Variants in DYNC2LI1 observed in about 807,000 individuals in gnomAD.
DYNC2LI1 encodes the protein dynein cytoplasmic 2 light intermediate chain 1.
In DYNC2LI1, 45 loss-of-function variants were observed where a neutral mutation model predicts 51.9. The observed-to-expected ratio is 0.87, with a 90% CI of 0.68 to 1.11. DYNC2LI1 has a LOEUF of 1.11. DYNC2LI1 is among the 50% of genes most tolerant of loss of function. DYNC2LI1 has a pLI of 0.00. For synonymous variants in DYNC2LI1, 130 were observed against 137.8 expected (o/e 0.94, Z 0.40); for missense variants, 490 against 417.4 (o/e 1.17, Z -1.51).
chr2:43,777,872 G>A (rs1396814281), intron 2 of DYNC2LI1, among the ~76,000 whole-genome samples: 1 of 152,156 alleles, frequency 6.6e-6, no homozygotes, highest in African/African-American at 2.4e-5. Flanking sequence ...AAAGGTTTTA[G>A]TGATGTAAGA....
chr2:43,823,484 C>G, the DYNC2LI1 span, among the ~76,000 whole-genome samples: 1 of 152,102 alleles, frequency 6.6e-6, no homozygotes, highest in Non-Finnish European at 1.5e-5. Context: ...GTTAGGCAAC[C>G]AGGTTTTGTC....
At position 43,791,709 on chromosome 2, in the gene DYNC2LI1, C is replaced by T. The variant is rs80318289; in HGVS notation, c.320+1988C>T. On this transcript the variant is annotated intron_variant, in intron 5 of 12. Transcript: ENST00000260605. ...AATTTCCTTGTGTTGGATGAAGTCT[C>T]ACAACTTGAGAAAACAATATTGCCA... 4.3e-4 allele frequency among the ~76,000 whole-genome samples: 65 copies of T among 152,300 alleles called. 1 individual carries two copies. The East Asian group carries it at 0.011, about 27-fold the overall frequency.
At chr2:43,813,403 G>T, downstream of DYNC2LI1, 2 of 859,338 alleles carry the variant, frequency 2.3e-6, no homozygotes, top group Non-Finnish European at 3.8e-6. Context: ...TACCCTTAAT[G>T]AAAAATACAG....
chr2:43,814,346 C>A, downstream of DYNC2LI1: 1 of 672,116 alleles, frequency 1.5e-6, no homozygotes, highest in South Asian at 1.8e-5. Flanking sequence ...AAATGTTGGA[C>A]TGTATTTCAA....
chr2:43,795,467 A>G (rs1224649969), intron 6 of DYNC2LI1, among the ~76,000 whole-genome samples: 22 of 152,020 alleles, frequency 1.4e-4, no homozygotes, highest in Admixed American at 1.4e-3. Context: ...TCGCGCCACT[A>G]CACTCCAGCC....
intron 2 of DYNC2LI1, among the ~76,000 whole-genome samples, chr2:43,782,011 A>ATGTGTGTGTGTGTGTGTGTGTGTG (rs72178749): frequency 6.9e-4 from 103 of 148,740 alleles, no homozygotes; most frequent in African/African-American, 2.5e-3. Context: ...GTTTCTGTCT[A>ATGTGTGTGTGTGTGTGTGTGTGTG]TGTGTGTGTG....
chr2:43,799,288 C>T (rs765878035), intron 8 of DYNC2LI1, among the ~76,000 whole-genome samples: 4 of 152,044 alleles, frequency 2.6e-5, no homozygotes, highest in African/African-American at 4.8e-5. Flanking sequence ...GGAAGCAGAG[C>T]GAGACCCCAT....
At chr2:43,820,050 G>A in the DYNC2LI1 span, 3 of 1,614,188 alleles carry the variant, frequency 1.9e-6, no homozygotes, top group Non-Finnish European at 1.7e-6. Context: ...GGCCAAGAGA[G>A]CAGCAGAAAA....
intron 8 of DYNC2LI1, among the ~76,000 whole-genome samples, chr2:43,799,248 G>A (rs1045420301): frequency 2.6e-5 from 4 of 152,118 alleles, no homozygotes; most frequent in Non-Finnish European, 5.9e-5. Context: ...GCTGCAGTGA[G>A]TTATGATCAC....
chr2:43,819,436 C>T, the DYNC2LI1 span, among the ~76,000 whole-genome samples: 1 of 150,690 alleles, frequency 6.6e-6, no homozygotes, highest in African/African-American at 2.4e-5. Context: ...TGGTGCATAT[C>T]CTTTAAGCCT....
intron 4 of DYNC2LI1, among the ~76,000 whole-genome samples, chr2:43,787,739 A>C (rs1457636478): frequency 6.6e-6 from 1 of 152,202 alleles, no homozygotes; most frequent in Non-Finnish European, 1.5e-5. Context: ...TTCAGGATAG[A>C]AGAAGGGTTC....
intron 5 of DYNC2LI1, 38 bp downstream of exon 5, chr2:43,789,759 AGGAG>A: frequency 1.3e-6 from 2 of 1,569,092 alleles, no homozygotes; most frequent in Non-Finnish European, 1.7e-6. Context: ...GTAAGTACAC[AGGAG>A]TGTCCCTAGG....
At chr2:43,800,715 G>A (rs1309809250) in intron 8 of DYNC2LI1, 126 bp from the exon 9 acceptor site, 8 of 504,218 alleles carry the variant, frequency 1.6e-5, no homozygotes, top group Admixed American at 7.9e-5. Flanking sequence ...TCAAACAGAA[G>A]TATTTGCTGG....
At chr2:43,792,528 CA>C (rs1486683778) in intron 5 of DYNC2LI1, 2 of 630,208 alleles carry the variant, frequency 3.2e-6, no homozygotes, top group East Asian at 6.6e-5. Flanking sequence ...GTAAAATATA[CA>C]TAGCGTAAAA....
chr2:43,824,532 C>T, the DYNC2LI1 span: 2 of 1,592,518 alleles, frequency 1.3e-6, no homozygotes, highest in Non-Finnish European at 1.7e-6. Context: ...AATACCTCAT[C>T]CCATCAAGAT....
the DYNC2LI1 span, chr2:43,828,032 C>T: frequency 1.1e-5 from 17 of 1,614,022 alleles, no homozygotes; most frequent in Non-Finnish European, 1.3e-5. Flanking sequence ...GCCGCTCACC[C>T]GTGGAAATGC....
intron 3 of DYNC2LI1, among the ~76,000 whole-genome samples, chr2:43,785,019 C>T (rs573169588): frequency 4.6e-5 from 7 of 152,140 alleles, no homozygotes; most frequent in Admixed American, 3.9e-4. Flanking sequence ...GATATGGGAC[C>T]GGGTGCAGTG....
downstream of DYNC2LI1, chr2:43,810,656 A>T: frequency 1.2e-5 from 4 of 340,238 alleles, no homozygotes; most frequent in Non-Finnish European, 1.7e-5. Context: ...GCAGATAGCA[A>T]GCCATCTGCT....
chr2:43,823,977 T>C, the DYNC2LI1 span: 18 of 1,614,220 alleles, frequency 1.1e-5, no homozygotes, highest in Non-Finnish European at 1.5e-5. Flanking sequence ...AAAGGAGACC[T>C]ACGCGGTCCT....
Sources: gnomAD v4.1 joint callset for allele counts (sites outside exome capture counted in the v4.1 genomes callset) on GRCh38, gnomAD v4.1.1 for gene constraint, MANE v1.5 for transcripts, NCBI Gene and HGNC (gene_info 2026-07-23, HGNC 2026-07-21) for gene names.